The following ZNF831 variants were observed in gnomAD, a reference collection of about 807,000 sequenced individuals.
ZNF831 encodes chromosome 20 open reading frame 174.
In ZNF831, 59 loss-of-function variants were observed where a neutral mutation model predicts 95.8. The ratio of observed to expected loss-of-function variants is 0.62; its 90% CI spans 0.50 to 0.77. The LOEUF (loss-of-function observed/expected upper bound fraction) is 0.77, where lower values mean the gene tolerates loss of function less well. ZNF831 is among the 30% of genes least tolerant of loss of function. The pLI, the probability that ZNF831 is intolerant of heterozygous loss-of-function variation, is 0.00. For missense variants in ZNF831, 2,205 were observed against 2,164.0 expected (o/e 1.02, Z -0.38); for synonymous variants, 961 against 925.5 (o/e 1.04, Z -0.70).
chr20:59,137,279 C>CTTT (rs11469830), intron 1 of ZNF831, among the ~76,000 whole-genome samples: 1 of 149,234 alleles, frequency 6.7e-6, no homozygotes, highest in Non-Finnish European at 1.5e-5. Flanking sequence ...TCCAATACAT[C>CTTT]TTTTTTTTTT....
chr20:59,147,326 G>A (rs1038925218), intron 2 of ZNF831, among the ~76,000 whole-genome samples: 39 of 152,174 alleles, frequency 2.6e-4, no homozygotes, highest in African/African-American at 5.3e-4. Flanking sequence ...AAGGGCCCTC[G>A]CGTGTCACTC....
intron 1 of ZNF831, among the ~76,000 whole-genome samples, chr20:59,135,350 C>T (rs185658022): frequency 7.7e-4 from 117 of 151,936 alleles, no homozygotes; most frequent in Middle Eastern, 3.4e-3. Flanking sequence ...ACTTTGGAGG[C>T]GAGATTGGGA....
intron 4 of ZNF831, among the ~76,000 whole-genome samples, chr20:59,219,207 G>A (rs985455129): frequency 6.6e-6 from 1 of 152,156 alleles, no homozygotes; most frequent in African/African-American, 2.4e-5. Flanking sequence ...CATGAGAGGA[G>A]AGGAACAGAA....
intron 4 of ZNF831, among the ~76,000 whole-genome samples, chr20:59,234,800 T>C (rs1374481549): frequency 6.6e-6 from 1 of 152,236 alleles, no homozygotes; most frequent in Non-Finnish European, 1.5e-5. Flanking sequence ...GTTTTAAATG[T>C]ACAGAAAAGT....
intron 1 of ZNF831, among the ~76,000 whole-genome samples, chr20:59,182,703 G>GT (rs1982715661): frequency 6.6e-6 from 1 of 150,452 alleles, no homozygotes; most frequent in Admixed American, 6.6e-5. Flanking sequence ...TCTGCACACT[G>GT]TGTGTTTGTT....
At chr20:59,227,282 C>G (rs1171680424) in intron 4 of ZNF831, among the ~76,000 whole-genome samples, 2 of 151,966 alleles carry the variant, frequency 1.3e-5, no homozygotes, top group Non-Finnish European at 2.9e-5. Context: ...AAAATGGGAG[C>G]CTTTGTATGA....
intron 3 of ZNF831, among the ~76,000 whole-genome samples, chr20:59,196,403 C>T (rs1041285569): frequency 2.0e-5 from 3 of 152,240 alleles, no homozygotes; most frequent in Admixed American, 1.3e-4. Flanking sequence ...AATCTCGCCA[C>T]GCAGAGATAA....
intron 2 of ZNF831, among the ~76,000 whole-genome samples, chr20:59,149,954 GC>G (rs1980129385): frequency 6.6e-6 from 1 of 152,226 alleles, no homozygotes; most frequent in Non-Finnish European, 1.5e-5. Flanking sequence ...GCCAGCGCCA[GC>G]CCCCTTTGCC....
intron 1 of ZNF831, among the ~76,000 whole-genome samples, chr20:59,180,539 G>A (rs896031646): frequency 1.3e-5 from 2 of 151,642 alleles, no homozygotes; most frequent in African/African-American, 4.9e-5. Flanking sequence ...GCAACCCCAC[G>A]ACAGGCTCTG....
intron 1 of ZNF831, among the ~76,000 whole-genome samples, chr20:59,128,044 G>T (rs553224629): frequency 1.6e-3 from 249 of 152,336 alleles, no homozygotes; most frequent in Middle Eastern, 6.8e-3. Flanking sequence ...GCAACCGTGC[G>T]TGTGCAGCAC....
chr20:59,213,234 T>C (rs1226044465), intron 4 of ZNF831, among the ~76,000 whole-genome samples: 1 of 152,216 alleles, frequency 6.6e-6, no homozygotes, highest in African/African-American at 2.4e-5. Flanking sequence ...TTGACTACGT[T>C]TTGTTGATTT....
chr20:59,233,045 T>TAGAG (rs35568283), intron 4 of ZNF831, among the ~76,000 whole-genome samples: 6,820 of 109,314 alleles, frequency 0.062, 484 homozygotes, highest in African/African-American at 0.16. Flanking sequence ...CACACACACA[T>TAGAG]AGAGAGAGAG....
In ZNF831 at chr20:59,258,706, A is replaced by C. The variant is rs1213034868; in HGVS notation, c.*3963A>C. 6.6e-6 allele frequency: 1 copy of C among 152,188 alleles called. No individual in the cohort carries two copies. Among genetic ancestry groups the C allele is most frequent in the Non-Finnish European group, 1.5e-5 (1 of 68,030 alleles). The allele number at this position is 152,188 out of a possible 1,614,324, so 9.4% of individuals were successfully genotyped here. ...TGGCTTTTGAAACACTACATTTCTC[A>C]ATATTTAAGCACAATTTATTGTCCT... is the stretch of plus-strand genomic sequence containing the variant. On this transcript the variant is annotated 3_prime_UTR_variant, in exon 6 of 6. Coordinates refer to ENST00000371030, the MANE Select transcript of ZNF831 (RefSeq NM_178457.3).
At chr20:59,253,291 A>T (rs1987998979) in intron 5 of ZNF831, among the ~76,000 whole-genome samples, 153 bp downstream of exon 5, 1 of 152,040 alleles carries the variant, frequency 6.6e-6, no homozygotes, top group Admixed American at 6.6e-5. Context: ...CAAACAAATA[A>T]CTCAAAACAT....
chr20:59,216,402 C>G (rs1174465836), intron 4 of ZNF831, among the ~76,000 whole-genome samples: 1 of 152,232 alleles, frequency 6.6e-6, no homozygotes, highest in East Asian at 1.9e-4. Context: ...CGGAGGCAGC[C>G]TGAATCCCTG....
chr20:59,190,182 A>T (rs1983393865), intron 1 of ZNF831, among the ~76,000 whole-genome samples: 1 of 152,206 alleles, frequency 6.6e-6, no homozygotes, highest in Non-Finnish European at 1.5e-5. Context: ...CTTGAGGCTG[A>T]GGAAGTGCTC....
rs1987005307 is a variant in ZNF831, at chr20:59,236,467, GT to G, written c.4028-16504del. Among the ~76,000 whole-genome samples the G allele has an allele frequency of 2.0e-5, 3 of 150,246 alleles. No homozygotes were observed. In the Middle Eastern group the frequency reaches 0.01, roughly 525 times the overall value. Reference sequence around the variant, plus strand: ...TATCCTTTTTTTGTTTTTGTTTTTTGTTTTTTTGAGACAGAGTCTCACTGTG... The same window carrying G: ...TATCCTTTTTTTGTTTTTGTTTTTTGTTTTTTGAGACAGAGTCTCACTGTG... On this transcript the variant is annotated intron_variant, in intron 4 of 5. Transcript: ENST00000371030.
At chr20:59,195,376 C>T (rs779845125) in intron 2 of ZNF831, among the ~76,000 whole-genome samples, 8 of 152,270 alleles carry the variant, frequency 5.3e-5, no homozygotes, top group Middle Eastern at 3.4e-3. Context: ...GCTTGGGCCG[C>T]GGCCACTGAG....
chr20:59,155,627 C>T (rs1980494870), intron 2 of ZNF831, among the ~76,000 whole-genome samples: 1 of 152,188 alleles, frequency 6.6e-6, no homozygotes, highest in Non-Finnish European at 1.5e-5. Context: ...CTGCCCAGCG[C>T]AGCAGGGAGG....
Sources: gnomAD v4.1 joint callset for allele counts (sites outside exome capture counted in the v4.1 genomes callset) on GRCh38, gnomAD v4.1.1 for gene constraint, MANE v1.5 for transcripts, NCBI Gene and HGNC (gene_info 2026-07-23, HGNC 2026-07-21) for gene names.